DMXL1: variants seen among roughly 807,000 people sequenced by gnomAD.
DMXL1 encodes dmX-like protein 1.
Under a neutral mutation model 319.2 loss-of-function variants are expected in DMXL1, and 99 were observed. The ratio of observed to expected loss-of-function variants is 0.31; its 90% CI spans 0.26 to 0.37. The LOEUF (loss-of-function observed/expected upper bound fraction) is 0.37, where lower values mean the gene tolerates loss of function less well. Among genes scored for constraint, DMXL1 ranks in the 10% least tolerant of loss-of-function variants. DMXL1 has a pLI of 1.00. For missense variants in DMXL1, 3,745 were observed against 3,595.6 expected, an observed-to-expected ratio of 1.04 and a Z score of -1.06; for synonymous variants, 1,385 against 1,235.2, an observed-to-expected ratio of 1.12 and a Z score of -2.54.
intron 28 of DMXL1, 147 bp downstream of exon 28, chr5:119,178,391 A>G: frequency 1.0e-6 from 1 of 973,192 alleles, no homozygotes; most frequent in Non-Finnish European, 1.5e-6. Context: ...TACAGTGAAA[A>G]TGCAGTATTA....
At position 119,116,225 on chromosome 5, in the gene DMXL1, G is replaced by C. The variant is rs1360428285; in HGVS notation, c.632G>C (p.Gly211Ala). Residue 211 changes from glycine to alanine, a missense_variant, in exon 7 of 44, where the codon GGA becomes GCA. By Grantham distance (60) the Gly-to-Ala change is moderately conservative. Coordinates refer to ENST00000539542, the MANE Select transcript of DMXL1 (RefSeq NM_001290321.3). ...CGGACAGCTGTTACTTCTCCAGATG[G>C]AAGTTCAGAAAAACAATCCCAAGGA... ...NWRTAVTSPDGSSEKQSQGEI... is the reference protein window; with the variant it reads ...NWRTAVTSPDASSEKQSQGEI... 6.2e-7 allele frequency: 1 copy of C among 1,613,960 alleles called. No individual in the cohort carries two copies. Among genetic ancestry groups the C allele is most frequent in the South Asian group, 1.1e-5 (1 of 91,060 alleles).
chr5:119,223,971 AT>A (rs1179434081), intron 37 of DMXL1, among the ~76,000 whole-genome samples: 2 of 152,146 alleles, frequency 1.3e-5, no homozygotes, highest in Non-Finnish European at 2.9e-5. Context: ...TAGCAAAAAA[AT>A]ATCATTATGA....
chr5:119,118,443 T>G (rs1289446220), intron 7 of DMXL1, among the ~76,000 whole-genome samples: 2 of 152,170 alleles, frequency 1.3e-5, no homozygotes, highest in South Asian at 4.1e-4. Context: ...TTTTTTTAGA[T>G]GTAAAAAGAA....
rs561919426 is a variant in DMXL1, at chr5:119,247,662, AG to A, written c.*445del. On this transcript the variant is annotated 3_prime_UTR_variant, in exon 44 of 44. Coordinates refer to ENST00000539542, the MANE Select transcript of DMXL1 (RefSeq NM_001290321.3). ...TCAAACTCTTCTCTTAATTAATGATAGGTATTTGAGTAAGAATGAAAAAAAT... is the reference window on the plus strand; with the variant it reads ...TCAAACTCTTCTCTTAATTAATGATAGTATTTGAGTAAGAATGAAAAAAAT... 5.5e-4 allele frequency: 84 copies of A among 152,666 alleles called. No individual in the cohort carries two copies. The highest frequency in any genetic ancestry group is 1.9e-3 in the African/African-American group (80 of 41,566). 9.5% of individuals were successfully genotyped at this position (152,666 alleles called of 1,614,324 possible).
At chr5:119,115,019 A>G (rs190926802) in intron 6 of DMXL1, among the ~76,000 whole-genome samples, 1 of 152,270 alleles carries the variant, frequency 6.6e-6, no homozygotes. Flanking sequence ...GTGTTAAAAG[A>G]CTGTGTGATA....
At chr5:119,191,575 C>A (rs1166427501) in intron 29 of DMXL1, among the ~76,000 whole-genome samples, 2 of 152,046 alleles carry the variant, frequency 1.3e-5, no homozygotes, top group Non-Finnish European at 2.9e-5. Flanking sequence ...GTTAGCAAGG[C>A]CTTCTTTAGC....
intron 5 of DMXL1, among the ~76,000 whole-genome samples, chr5:119,112,809 T>G (rs1396637485): frequency 6.6e-6 from 1 of 151,912 alleles, no homozygotes; most frequent in Admixed American, 6.6e-5. Context: ...ATACAAAAAT[T>G]AGCCAGGCGT....
Position 119,178,199 on chromosome 5 carries a change from G to T in DMXL1, c.7090G>T (p.Ala2364Ser). 1 of 1,613,850 alleles carries T rather than the reference G, an allele frequency of 6.2e-7. No individual in the cohort carries two copies. The highest frequency in any genetic ancestry group is 8.5e-7 in the Non-Finnish European group (1 of 1,179,786). Residue 2364 changes from alanine (A) to serine (S), a missense_variant, in exon 28 of 44, where the codon GCA (alanine) becomes TCA (serine). By Grantham distance (99) the Ala-to-Ser change is moderately conservative (BLOSUM62 1). This residue lies in a region of DMXL1 where 1,382 missense variants were observed against 1,269.5 expected (regional missense o/e 1.09). Coordinates refer to ENST00000539542, the MANE Select transcript of DMXL1 (RefSeq NM_001290321.3). ...KMWSAVFGGGAHVPSKEQTHS... is the reference protein window; with the variant it reads ...KMWSAVFGGGSHVPSKEQTHS... ...GTGGTCTGCTGTGTTTGGTGGAGGT[G>T]CACATGTTCCTAGCAAAGAACAGAC...
rs1005707255 is a variant in DMXL1 at position 119,129,137 on chromosome 5, T to C, written c.1103-74T>C. 1.5e-5 allele frequency: 13 copies of C among 884,310 alleles called. No individual in the cohort carries two copies. In the African/African-American group the frequency reaches 1.9e-4, roughly 13 times the overall value. The allele number at this position is 884,310 out of a possible 1,614,324, so 54.8% of individuals were successfully genotyped here. On this transcript the variant is annotated intron_variant, in intron 9 of 43. Transcript: ENST00000539542. ...AAACAAAATATAAATGTAATAGTAA[T>C]AAAAATATGAAACATGGATGTTTCA...
chr5:119,115,514 T>A (rs183122732), intron 6 of DMXL1, among the ~76,000 whole-genome samples: 1 of 152,216 alleles, frequency 6.6e-6, no homozygotes, highest in African/African-American at 2.4e-5. Context: ...TGTAAGTTAC[T>A]CTAAAACCAC....
intron 38 of DMXL1, among the ~76,000 whole-genome samples, chr5:119,232,118 C>G (rs1357713035): frequency 6.6e-6 from 1 of 152,052 alleles, no homozygotes; most frequent in Non-Finnish European, 1.5e-5. Context: ...GTAGCTAGTA[C>G]TATAGGTGTG....
Position 119,150,214 on chromosome 5 carries a change from G to A in DMXL1, c.4387G>A (p.Glu1463Lys), listed in dbSNP as rs1769462113. 1 of 1,613,570 alleles carries A rather than the reference G, an allele frequency of 6.2e-7. No individual in the cohort carries two copies. Among genetic ancestry groups the A allele is most frequent in the African/African-American group, 1.3e-5 (1 of 74,850 alleles). ...MTDTHMLETDEENTKPRVIDL... is the reference protein window; with the variant it reads ...MTDTHMLETDKENTKPRVIDL... The stretch of plus-strand genomic sequence containing the variant: ...TGATACTCATATGTTAGAGACAGAT[G>A]AAGAAAATACAAAGCCTAGAGTTAT... Residue 1463 changes from glutamate to lysine, a missense_variant, in exon 18 of 44, where the codon GAA (glutamate) becomes AAA (lysine). By Grantham distance (56) the Glu-to-Lys change is moderately conservative (BLOSUM62 1). Transcript: ENST00000539542.
At chr5:119,101,614 G>A (rs1382962649) in intron 2 of DMXL1, among the ~76,000 whole-genome samples, 1 of 152,178 alleles carries the variant, frequency 6.6e-6, no homozygotes, top group African/African-American at 2.4e-5. Flanking sequence ...TGTGCATATT[G>A]TATGTCACTT....
rs150395383 is a variant in DMXL1 at position 119,164,660 on chromosome 5, G to A, written c.4856G>A (p.Arg1619His). 1.4e-5 allele frequency: 22 copies of A among 1,596,408 alleles called. No homozygotes were observed. In the East Asian group the frequency reaches 2.5e-4, roughly 18 times the overall value. The change falls in exon 20 of 44, where the codon CGC becomes CAC. Residue 1619 changes from arginine to histidine, a missense_variant. By Grantham distance (29) the Arg-to-His change is conservative. Coordinates refer to ENST00000539542, the MANE Select transcript of DMXL1 (RefSeq NM_001290321.3). ...TGGGTCCGGAATACCCGCATCTTACGCAAATGCATAGAAAAAGTAAGTGTT... is the reference window on the plus strand; with the variant it reads ...TGGGTCCGGAATACCCGCATCTTACACAAATGCATAGAAAAAGTAAGTGTT... ...GWWVRNTRILRKCIEKVAKAA... is the reference protein window; with the variant it reads ...GWWVRNTRILHKCIEKVAKAA...
At chr5:119,185,014 C>G (rs1306548532) in intron 28 of DMXL1, among the ~76,000 whole-genome samples, 1 of 152,138 alleles carries the variant, frequency 6.6e-6, no homozygotes, top group African/African-American at 2.4e-5. Context: ...ACCAAATTCT[C>G]AATATATGTA....
At chr5:119,128,143 C>T (rs761588881) in intron 9 of DMXL1, 6 of 495,964 alleles carry the variant, frequency 1.2e-5, no homozygotes, top group Non-Finnish European at 2.0e-5. Context: ...CAACTGAACA[C>T]CACCTTCTTT....
intron 3 of DMXL1, among the ~76,000 whole-genome samples, chr5:119,103,112 G>A (rs1015853987): frequency 6.6e-6 from 1 of 150,856 alleles, no homozygotes; most frequent in Non-Finnish European, 1.5e-5. Context: ...AAAAGAAAGA[G>A]CAGTGTATTG....
At chr5:119,229,978 A>G (rs1159973748) in intron 38 of DMXL1, among the ~76,000 whole-genome samples, 1 of 152,204 alleles carries the variant, frequency 6.6e-6, no homozygotes, top group Non-Finnish European at 1.5e-5. Context: ...TTAATGTTTT[A>G]GTATTTTATG....
At chr5:119,100,115 A>G (rs1443571151) in intron 2 of DMXL1, among the ~76,000 whole-genome samples, 1 of 152,146 alleles carries the variant, frequency 6.6e-6, no homozygotes, top group Non-Finnish European at 1.5e-5. Context: ...TCCTTAAAGT[A>G]TCAGGAAGAA....
Sources: gnomAD v4.1 joint callset for allele counts (sites outside exome capture counted in the v4.1 genomes callset) on GRCh38, gnomAD v4.1.1 for gene constraint, gnomAD v4.1.1 regional missense constraint, MANE v1.5 for transcripts, NCBI Gene and HGNC (gene_info 2026-07-23, HGNC 2026-07-21) for gene names.